OPCML: variants seen among roughly 807,000 people sequenced by gnomAD.
OPCML encodes the protein opioid binding protein/cell adhesion molecule like.
OPCML carries 13 observed loss-of-function variants against 37.8 expected under a neutral mutation model. The observed-to-expected ratio is 0.34, with a 90% CI of 0.22 to 0.55. The LOEUF (loss-of-function observed/expected upper bound fraction) is 0.55. Among genes scored for constraint, OPCML ranks in the 20% least tolerant of loss-of-function variants. The probability of loss-of-function intolerance (pLI) is 0.91; values close to 1 mark genes in which losing one functional copy is unlikely to be tolerated. For synonymous variants in OPCML, 176 were observed against 168.8 expected (o/e 1.04, Z -0.33); for missense variants, 341 against 435.6 (o/e 0.78, Z 1.93).
intron 1 of OPCML, among the ~76,000 whole-genome samples, chr11:133,142,510 T>G (rs1949837901): frequency 6.6e-6 from 1 of 152,224 alleles, no homozygotes. Context: ...TCAGAATTGC[T>G]TACTCAATAC....
At chr11:132,573,562 T>C (rs913957188) in intron 3 of OPCML, among the ~76,000 whole-genome samples, 1 of 152,026 alleles carries the variant, frequency 6.6e-6, no homozygotes, top group African/African-American at 2.4e-5. Flanking sequence ...CACATTAATT[T>C]ATTTTCACAG....
intron 1 of OPCML, among the ~76,000 whole-genome samples, chr11:133,283,413 C>A (rs550664271): frequency 6.6e-6 from 1 of 151,944 alleles, no homozygotes; most frequent in African/African-American, 2.4e-5. Flanking sequence ...ACGCCTGCCC[C>A]CACCCCACCC....
chr11:132,955,052 A>T (rs532020033), intron 1 of OPCML, among the ~76,000 whole-genome samples: 2 of 152,254 alleles, frequency 1.3e-5, no homozygotes, highest in Admixed American at 1.3e-4. Flanking sequence ...GAGGCAGCAG[A>T]AGTGAGGCAG....
At chr11:133,279,122 G>A (rs1489273876) in intron 1 of OPCML, among the ~76,000 whole-genome samples, 1 of 152,156 alleles carries the variant, frequency 6.6e-6, no homozygotes, top group Non-Finnish European at 1.5e-5. Context: ...GAACCTCGCT[G>A]TTTCCAAACC....
At position 133,294,613 on chromosome 11, in the gene OPCML, T is replaced by G. The variant is rs190773362; in HGVS notation, c.61+237651A>C. ...CAAGCTGATAATTTAGGCATCCTGA[T>G]TCACACCCCCATTTGAAACAACCCA... On this transcript the variant is annotated intron_variant, in intron 1 of 7. Transcript: ENST00000524381. Among the ~76,000 whole-genome samples, 426 of 152,138 alleles carry G rather than the reference T, an allele frequency of 2.8e-3. 2 individuals are homozygous for G. The highest frequency in any genetic ancestry group is 7.9e-3 in the South Asian group (38 of 4,810).
chr11:132,700,399 T>C (rs1409790466), intron 2 of OPCML, among the ~76,000 whole-genome samples: 2 of 152,142 alleles, frequency 1.3e-5, no homozygotes, highest in African/African-American at 2.4e-5. Context: ...GAGATTTTTT[T>C]CCCTCTAATA....
chr11:132,722,403 T>C (rs1230707956), intron 2 of OPCML, among the ~76,000 whole-genome samples: 1 of 152,116 alleles, frequency 6.6e-6, no homozygotes, highest in African/African-American at 2.4e-5. Context: ...TTGATTCTTC[T>C]TCTTATAAAA....
At chr11:132,449,173 C>T (rs150751912) in intron 4 of OPCML, among the ~76,000 whole-genome samples, 3 of 152,158 alleles carry the variant, frequency 2.0e-5, no homozygotes, top group Admixed American at 2.0e-4. Context: ...CAAGGTAGCT[C>T]TCATCTGTCA....
At chr11:133,339,203 T>C (rs1943808928) in intron 1 of OPCML, among the ~76,000 whole-genome samples, 1 of 152,254 alleles carries the variant, frequency 6.6e-6, no homozygotes, top group African/African-American at 2.4e-5. Context: ...TATTGAGTTC[T>C]TTAATATATG....
rs1591890672 is a variant in OPCML, at chr11:132,994,760, C to T, written c.62-51750G>A. Among the ~76,000 whole-genome samples, 5 of 152,326 alleles carry T rather than the reference C, an allele frequency of 3.3e-5. No homozygotes were observed. The South Asian group carries it at 1.0e-3, about 32-fold the overall frequency. The stretch of plus-strand genomic sequence containing the variant: ...ATACCAGCTAAATGGAACACAGCCC[C>T]TGCCCTCAAGATCCTCACATTCTTG... On this transcript the variant is annotated intron_variant, in intron 1 of 7. Coordinates refer to ENST00000524381, the MANE Select transcript of OPCML (RefSeq NM_001012393.5).
intron 1 of OPCML, among the ~76,000 whole-genome samples, chr11:133,368,658 T>A (rs1944606827): frequency 6.6e-6 from 1 of 152,232 alleles, no homozygotes; most frequent in South Asian, 2.1e-4. Context: ...TTTATCTACA[T>A]GTTCCCATAA....
chr11:133,091,196 T>C (rs1948900482), intron 1 of OPCML, among the ~76,000 whole-genome samples: 1 of 152,200 alleles, frequency 6.6e-6, no homozygotes, highest in African/African-American at 2.4e-5. Context: ...GTGTCCACAT[T>C]GTGCTAATTC....
At chr11:132,643,262 G>A (rs187677167) in intron 3 of OPCML, among the ~76,000 whole-genome samples, 6 of 152,284 alleles carry the variant, frequency 3.9e-5, no homozygotes, top group Admixed American at 1.3e-4. Context: ...GGGTGACAGC[G>A]TGAGACTCCA....
At chr11:133,453,697 C>T (rs898029023) in intron 1 of OPCML, among the ~76,000 whole-genome samples, 2 of 152,112 alleles carry the variant, frequency 1.3e-5, no homozygotes, top group Non-Finnish European at 2.9e-5. Flanking sequence ...GGGTTCCACT[C>T]ACCAACCTTG....
intron 2 of OPCML, among the ~76,000 whole-genome samples, chr11:132,737,699 T>C (rs575544976): frequency 6.6e-6 from 1 of 152,186 alleles, no homozygotes; most frequent in East Asian, 1.9e-4. Flanking sequence ...AATTTCTTCA[T>C]GAAAATTTTT....
intron 4 of OPCML, among the ~76,000 whole-genome samples, chr11:132,438,958 G>T (rs1408960432): frequency 6.6e-6 from 1 of 152,102 alleles, no homozygotes; most frequent in African/African-American, 2.4e-5. Flanking sequence ...CCCACCCAGG[G>T]AGTACCATCA....
intron 1 of OPCML, among the ~76,000 whole-genome samples, chr11:133,383,878 T>C (rs1944983387): frequency 1.3e-5 from 2 of 152,140 alleles, no homozygotes; most frequent in African/African-American, 4.8e-5. Flanking sequence ...CTGCAGTGCA[T>C]GCCCAGGGCC....
At position 133,434,153 on chromosome 11, in the gene OPCML, T is replaced by G. The variant is rs142726886; in HGVS notation, c.61+98111A>C. Among the ~76,000 whole-genome samples the G allele has an allele frequency of 2.7e-3, 414 of 152,320 alleles. 3 individuals carry two copies. Among genetic ancestry groups the G allele is most frequent in the African/African-American group, 9.5e-3 (395 of 41,574 alleles). ...ATTTTTACATTGAGGAGAAATTACC[T>G]TTATAGTTAGGTGGGATTACACTAT... On this transcript the variant is annotated intron_variant, in intron 1 of 7. Transcript: ENST00000524381.
At chr11:132,539,684 G>A (rs2096350931) in intron 3 of OPCML, among the ~76,000 whole-genome samples, 1 of 151,942 alleles carries the variant, frequency 6.6e-6, no homozygotes, top group South Asian at 2.1e-4. Flanking sequence ...TGGTGATGGT[G>A]GTAATGGTGA....
Sources: allele counts gnomAD v4.1 joint callset (sites outside exome capture counted in the v4.1 genomes callset), GRCh38; gene constraint gnomAD v4.1.1; transcripts MANE v1.5; gene names NCBI Gene and HGNC (gene_info 2026-07-23, HGNC 2026-07-21).